CSN1S1: variants seen among roughly 807,000 people sequenced by gnomAD.
CSN1S1 encodes the protein casein alpha s1.
Under a neutral mutation model 49.1 loss-of-function variants are expected in CSN1S1, and 63 were observed. The ratio of observed to expected loss-of-function variants is 1.28; its 90% CI spans 1.05 to 1.58. The LOEUF is 1.58. Ranked by LOEUF, CSN1S1 falls within the 40% of genes most tolerant of loss-of-function variation. The pLI is 0.00. For synonymous variants in CSN1S1, 78 were observed against 67.1 expected, an observed-to-expected ratio of 1.16 and a Z score of -0.79; for missense variants, 260 against 224.7, an observed-to-expected ratio of 1.16 and a Z score of -1.01.
chr4:69,940,952 A>G, intron 11 of CSN1S1, 67 bp from the exon 12 acceptor site: 1 of 780,888 alleles, frequency 1.3e-6, no homozygotes, highest in Non-Finnish European at 2.1e-6. Context: ...TTGTTTCATC[A>G]TATGAAAATG....
At chr4:69,932,473 C>A in intron 1 of CSN1S1, 71 bp from the exon 2 acceptor site, 1 of 1,365,984 alleles carries the variant, frequency 7.3e-7, no homozygotes, top group Non-Finnish European at 1.0e-6. Flanking sequence ...GTTGAAAAAT[C>A]AAGAATTTTT....
intron 1 of CSN1S1, among the ~76,000 whole-genome samples, chr4:69,931,665 T>C (rs894283996): frequency 6.6e-6 from 1 of 150,710 alleles, no homozygotes; most frequent in Non-Finnish European, 1.5e-5. Flanking sequence ...GGTTCAAAAA[T>C]ATGCCTTTTT....
At position 69,940,055 on chromosome 4, in the gene CSN1S1, T is replaced by A; in HGVS notation, c.300+11T>A. The A allele has an allele frequency of 7.5e-7, 1 of 1,339,080 alleles. No individual in the cohort carries two copies. The highest frequency in any genetic ancestry group is 1.0e-6 in the Non-Finnish European group (1 of 987,754). 82.9% of individuals were successfully genotyped at this position (1,339,080 alleles called of 1,614,324 possible). Reference sequence around the variant, plus strand: ...CTCAGTAAGTGTGCGGTAAGACATATTTGCTAAATTTAAAATATATTAATA... The same window carrying A: ...CTCAGTAAGTGTGCGGTAAGACATAATTGCTAAATTTAAAATATATTAATA... On this transcript the variant is annotated intron_variant, in intron 11 of 15. Transcript: ENST00000246891.
At chr4:69,937,170 TA>T (rs910514661) in intron 8 of CSN1S1, 26 bp downstream of exon 8, 1 of 1,480,342 alleles carries the variant, frequency 6.8e-7, no homozygotes. Context: ...TTAAAATTAT[TA>T]AACCAATATG....
chr4:69,934,909 T>C (rs988089551), intron 4 of CSN1S1, among the ~76,000 whole-genome samples, 199 bp downstream of exon 4: 1 of 152,148 alleles, frequency 6.6e-6, no homozygotes, highest in Non-Finnish European at 1.5e-5. Flanking sequence ...TTGGTAAGCA[T>C]AGACTTATTA....
chr4:69,934,350 C>T (rs1459148224), intron 3 of CSN1S1, 106 bp downstream of exon 3: 13 of 1,113,720 alleles, frequency 1.2e-5, no homozygotes, highest in East Asian at 4.9e-5. Context: ...CTTTTGCTGA[C>T]GCATCATTTC....
At chr4:69,945,496 T>C (rs1723133511) in intron 15 of CSN1S1, among the ~76,000 whole-genome samples, 1 of 152,002 alleles carries the variant, frequency 6.6e-6, no homozygotes, top group Non-Finnish European at 1.5e-5. Context: ...ATCCTGAGGG[T>C]GATCAAATAT....
In CSN1S1 at chr4:69,936,483, A is replaced by G. The variant is rs376456255; in HGVS notation, c.153+4A>G. 7.4e-5 allele frequency: 117 copies of G among 1,578,082 alleles called. 2 individuals carry two copies. In the African/African-American group the frequency reaches 1.3e-3, roughly 18 times the overall value. On this transcript the variant is annotated splice_donor_region_variant and intron_variant, in intron 6 of 15. Coordinates refer to ENST00000246891, the MANE Select transcript of CSN1S1 (RefSeq NM_001890.2). The stretch of plus-strand genomic sequence containing the variant: ...ATACATGAATGGTATGAACAGGGTA[A>G]GAAACATCAATGAAATTTAAATTAT...
At chr4:69,937,525 G>A (rs1233817873) in intron 8 of CSN1S1, among the ~76,000 whole-genome samples, 1 of 151,274 alleles carries the variant, frequency 6.6e-6, no homozygotes, top group African/African-American at 2.4e-5. Flanking sequence ...TTTTAAAAGA[G>A]GGAAAGCAAA....
intron 8 of CSN1S1, 24 bp downstream of exon 8, chr4:69,937,168 A>T: frequency 6.7e-7 from 1 of 1,488,768 alleles, no homozygotes; most frequent in Admixed American, 2.2e-5. Context: ...TTTTAAAATT[A>T]TTAAACCAAT....
intron 14 of CSN1S1, 95 bp from the exon 15 acceptor site, chr4:69,944,755 C>A: frequency 1.7e-6 from 2 of 1,211,988 alleles, no homozygotes; most frequent in Non-Finnish European, 2.4e-6. Context: ...TGCTAACAGG[C>A]ATCTTGGAAA....
intron 9 of CSN1S1, among the ~76,000 whole-genome samples, chr4:69,938,441 G>A (rs1448054529): frequency 7.3e-5 from 9 of 123,220 alleles, no homozygotes; most frequent in Non-Finnish European, 1.5e-4. Flanking sequence ...GTCAACCCAC[G>A]CCCCTCTCCC....
At chr4:69,942,367 G>T in intron 13 of CSN1S1, 169 bp from the exon 14 acceptor site, 1 of 657,278 alleles carries the variant, frequency 1.5e-6, no homozygotes, top group Non-Finnish European at 2.6e-6. Flanking sequence ...ATTTTTTTCT[G>T]ACATTAGAAA....
Position 69,934,037 on chromosome 4 carries a change from C to CT in CSN1S1, c.52-166dup, listed in dbSNP as rs914027916. On this transcript the variant is annotated intron_variant, in intron 2 of 15. Coordinates refer to ENST00000246891, the MANE Select transcript of CSN1S1 (RefSeq NM_001890.2). ...ATTTGTCTAAAAATAATTATGATTT[C>CT]TTTTTTTTTCCCTGTAGTCCCAGAG... 2.9e-4 allele frequency among the ~76,000 whole-genome samples: 43 copies of CT among 150,814 alleles called. 2 individuals carry two copies. In the South Asian group the frequency reaches 8.0e-3, roughly 28 times the overall value.
At chr4:69,932,204 C>T (rs2109710400) in intron 1 of CSN1S1, among the ~76,000 whole-genome samples, 1 of 151,656 alleles carries the variant, frequency 6.6e-6, no homozygotes, top group African/African-American at 2.4e-5. Context: ...TTTCTTTTTT[C>T]AATTGTATTT....
chr4:69,941,506 C>CT (rs1391600236), intron 12 of CSN1S1, among the ~76,000 whole-genome samples: 1 of 151,874 alleles, frequency 6.6e-6, no homozygotes, highest in Admixed American at 6.6e-5. Flanking sequence ...ACATAATCTG[C>CT]TTAACACTGG....
At chr4:69,940,117 A>G in intron 11 of CSN1S1, 73 bp downstream of exon 11, 1 of 310,454 alleles carries the variant, frequency 3.2e-6, no homozygotes, top group Non-Finnish European at 5.8e-6. Context: ...ACTTTCACAC[A>G]CACACACACA....
intron 12 of CSN1S1, 125 bp from the exon 13 acceptor site, chr4:69,941,921 T>G (rs1722981009): frequency 1.9e-6 from 1 of 521,300 alleles, no homozygotes; most frequent in Non-Finnish European, 3.3e-6. Flanking sequence ...GATTTTGTAG[T>G]ATTTTACAGT....
At chr4:69,941,377 A>T (rs1396734475) in intron 12 of CSN1S1, among the ~76,000 whole-genome samples, 1 of 151,830 alleles carries the variant, frequency 6.6e-6, no homozygotes, top group Non-Finnish European at 1.5e-5. Flanking sequence ...GAATTTCACA[A>T]ATATGCTTAC....
Sources: gnomAD v4.1 joint callset for allele counts (sites outside exome capture counted in the v4.1 genomes callset) on GRCh38, gnomAD v4.1.1 for gene constraint, MANE v1.5 for transcripts, NCBI Gene and HGNC (gene_info 2026-07-23, HGNC 2026-07-21) for gene names.